CTSS: variants seen among roughly 807,000 people sequenced by gnomAD.
The protein encoded by CTSS is cathepsin S.
CTSS carries 15 observed loss-of-function variants against 39.9 expected under a neutral mutation model. The ratio of observed to expected loss-of-function variants is 0.38; its 90% confidence interval spans 0.25 to 0.58. CTSS has a LOEUF of 0.58. Ranked by LOEUF, CTSS falls within the 20% of genes least tolerant of loss-of-function variation. The pLI, the probability that CTSS is intolerant of heterozygous loss-of-function variation, is 0.70. For synonymous variants in CTSS, 126 were observed against 138.2 expected, an observed-to-expected ratio of 0.91 and a Z score of 0.62; for missense variants, 250 against 398.2, an observed-to-expected ratio of 0.63 and a Z score of 3.17.
chr1:150,755,036 T>A lies in CTSS; in HGVS notation c.364A>T (p.Arg122Ter), dbSNP rs1349071743. 6.2e-7 allele frequency: 1 copy of A among 1,614,126 alleles called. No individual in the cohort carries two copies. Among genetic ancestry groups the A allele is most frequent in the Non-Finnish European group, 8.5e-7 (1 of 1,180,000 alleles). The change falls in exon 4 of 8, where the codon AGA becomes TGA. Residue 122 changes from arginine (R) to a stop codon, truncating the protein, a stop_gained. Coordinates refer to ENST00000368985, the MANE Select transcript of CTSS (RefSeq NM_004079.5). LOFTEE classifies it high-confidence loss of function. The part of the protein sequence containing the change: ...NRILPDSVDW[R>*]EKGCVTEVKY... The stretch of plus-strand genomic sequence containing the variant: ...ACTTCAGTAACACACCCTTTCTCTC[T>A]CCAGTCCACAGAATCAGGCAATATC...
chr1:150,760,963 G>A (rs922220897), intron 2 of CTSS, among the ~76,000 whole-genome samples: 5 of 151,222 alleles, frequency 3.3e-5, no homozygotes, highest in Non-Finnish European at 7.4e-5. Context: ...GGTTGATCAT[G>A]AGGTCAGAAG....
intron 6 of CTSS, among the ~76,000 whole-genome samples, chr1:150,748,963 T>C (rs1440492134): frequency 6.6e-6 from 1 of 152,196 alleles, no homozygotes; most frequent in Non-Finnish European, 1.5e-5. Flanking sequence ...GAGGGTGAGC[T>C]ACAAACCACA....
chr1:150,765,101 C>CAA (rs34212473), intron 1 of CTSS, among the ~76,000 whole-genome samples: 7 of 132,328 alleles, frequency 5.3e-5, no homozygotes, highest in African/African-American at 1.4e-4. Flanking sequence ...CTCTCTCTCT[C>CAA]AAAAAAAAAA....
Position 150,751,858 on chromosome 1 carries a change from A to G in CTSS, c.550T>C (p.Phe184Leu). The G allele has an allele frequency of 6.2e-7, 1 of 1,614,192 alleles. No homozygotes were observed. The highest frequency in any genetic ancestry group is 8.5e-7 in the Non-Finnish European group (1 of 1,180,034). The part of the protein sequence containing the change: ...KYGNKGCNGG[F>L]MTTAFQYIID... ...ATGTACTGGAAAGCCGTTGTCATGA[A>G]GCCACCATTGCAGCCTTTGTTTCCA... is the stretch of plus-strand genomic sequence containing the variant. The change falls in exon 5 of 8, where the codon TTC (phenylalanine) becomes CTC (leucine). Residue 184 changes from phenylalanine (F) to leucine (L), a missense_variant. Physicochemically the swap from Phe to Leu is conservative, Grantham distance 22 (BLOSUM62 0). Coordinates refer to ENST00000368985, the MANE Select transcript of CTSS (RefSeq NM_004079.5).
rs756024500 is a variant in CTSS, at chr1:150,755,158, G to C, written c.250-8C>G. On this transcript the variant is annotated splice_region_variant and splice_polypyrimidine_tract_variant and intron_variant, in intron 3 of 7. Transcript: ENST00000368985. ...CATCACTTCTTCACTGGTCTACAAA[G>C]CAAATATACAGTCAGGCATTGTTTA... 5.6e-6 allele frequency: 9 copies of C among 1,613,420 alleles called. No individual in the cohort carries two copies. The highest frequency in any genetic ancestry group is 3.3e-5 in the Admixed American group (2 of 59,950).
chr1:150,744,401 ATATAT>A lies in CTSS; in HGVS notation c.896+3371_896+3375del, dbSNP rs375204811. On this transcript the variant is annotated intron_variant, in intron 7 of 7. Transcript: ENST00000368985. ...GTATATTATGTATACATAATATATT[ATATAT>A]TATATGTATATTATGTATACATAAT... 1.9e-4 allele frequency among the ~76,000 whole-genome samples: 2 copies of A among 10,334 alleles called. 1 individual carries two copies. The highest frequency in any genetic ancestry group is 0.037 in the South Asian group (2 of 54). 6.8% of individuals were successfully genotyped at this position (10,334 alleles called of 152,430 possible).
In CTSS at chr1:150,755,166, A is replaced by C. The variant is rs1557813340; in HGVS notation, c.250-16T>G. 6.2e-7 allele frequency: 1 copy of C among 1,613,232 alleles called. No homozygotes were observed. On this transcript the variant is annotated splice_polypyrimidine_tract_variant and intron_variant, in intron 3 of 7. Transcript: ENST00000368985. ...CTTCACTGGTCTACAAAGCAAATAT[A>C]CAGTCAGGCATTGTTTAATGACTGG...
Position 150,751,901 on chromosome 1 carries a change from A to G in CTSS, c.507T>C (p.Asp169=), listed in dbSNP as rs756925905. Reference sequence around the variant, plus strand: ...TGTTTCCATATTTTTCAGTTGAGCAATCCACCAGGTTCTGGGCACTGAGAG... The same window carrying G: ...TGTTTCCATATTTTTCAGTTGAGCAGTCCACCAGGTTCTGGGCACTGAGAG... ...LVSLSAQNLV[D]CSTEKYGNKG... is the part of the protein sequence containing the mutation. The change falls in exon 5 of 8, where the codon GAT becomes GAC. Residue 169 remains aspartate (D), a synonymous_variant. Transcript: ENST00000368985. The G allele has an allele frequency of 2.5e-6, 4 of 1,614,166 alleles. No homozygotes were observed. Among genetic ancestry groups the G allele is most frequent in the East Asian group, 2.2e-5 (1 of 44,884 alleles).
At chr1:150,765,089 T>C (rs371988753) in intron 1 of CTSS, among the ~76,000 whole-genome samples, 1 of 148,572 alleles carries the variant, frequency 6.7e-6, no homozygotes, top group African/African-American at 2.5e-5. Flanking sequence ...GGAAATCTCT[T>C]TCTCTCTCTC....
intron 5 of CTSS, among the ~76,000 whole-genome samples, chr1:150,750,638 A>T (rs758878880): frequency 6.6e-6 from 1 of 152,196 alleles, no homozygotes; most frequent in East Asian, 1.9e-4. Flanking sequence ...GTATTTATTT[A>T]TATTATTTAT....
chr1:150,735,755 ATT>A (rs146960325), intron 7 of CTSS, among the ~76,000 whole-genome samples: 81 of 126,494 alleles, frequency 6.4e-4, no homozygotes, highest in South Asian at 1.3e-3. Flanking sequence ...TGCTTGGCCA[ATT>A]TTTTTTTTTT....
chr1:150,743,486 G>A (rs1440959088), intron 7 of CTSS, among the ~76,000 whole-genome samples: 2 of 99,584 alleles, frequency 2.0e-5, no homozygotes, highest in African/African-American at 6.9e-5. Context: ...AACACTTTGG[G>A]AGGCTGGGAG....
chr1:150,746,766 C>A (rs1359622180), intron 7 of CTSS, among the ~76,000 whole-genome samples: 1 of 152,162 alleles, frequency 6.6e-6, no homozygotes, highest in East Asian at 1.9e-4. Flanking sequence ...TGTATGGGAA[C>A]TACAACTGTG....
chr1:150,733,000 G>T lies in CTSS; in HGVS notation c.*46C>A. 7.4e-7 allele frequency: 1 copy of T among 1,354,474 alleles called. No homozygotes were observed. Among genetic ancestry groups the T allele is most frequent in the Non-Finnish European group, 1.0e-6 (1 of 952,542 alleles). 83.9% of individuals were successfully genotyped at this position (1,354,474 alleles called of 1,614,324 possible). A position where few individuals can be genotyped will look rare whatever the true frequency, so the allele number is the denominator to read the frequency against. On this transcript the variant is annotated 3_prime_UTR_variant, in exon 8 of 8. Coordinates refer to ENST00000368985, the MANE Select transcript of CTSS (RefSeq NM_004079.5). ...TACAGCAGGAAAAATTAAGTTAAGA[G>T]AAAGTGCTTCATATTTCTTGATTTG...
chr1:150,763,104 TA>T (rs202184518), intron 2 of CTSS, among the ~76,000 whole-genome samples: 53,326 of 145,954 alleles, frequency 0.37, 9,630 homozygotes, highest in South Asian at 0.54. Flanking sequence ...TATTTAGCCT[TA>T]AAAAAAAAAA....
Position 150,744,329 on chromosome 1 carries a change from ATATAT to A in CTSS, c.896+3443_896+3447del, listed in dbSNP as rs1198837735. 1.1e-3 allele frequency among the ~76,000 whole-genome samples: 34 copies of A among 30,152 alleles called. 3 individuals are homozygous for A. Among genetic ancestry groups the A allele is most frequent in the South Asian group, 5.8e-3 (2 of 344 alleles). The allele number at this position is 30,152 out of a possible 152,430, so 19.8% of individuals were successfully genotyped here. A position where few individuals can be genotyped will look rare whatever the true frequency, so the allele number is the denominator to read the frequency against. ...GTATATTATGTATACATAATATATT[ATATAT>A]TATATGTATATTATGTATACATAAT... On this transcript the variant is annotated intron_variant, in intron 7 of 7. Transcript: ENST00000368985.
intron 4 of CTSS, among the ~76,000 whole-genome samples, chr1:150,753,880 G>A (rs768428897): frequency 2.0e-5 from 3 of 151,984 alleles, no homozygotes; most frequent in Admixed American, 6.6e-5. Flanking sequence ...GGCAGAGGTT[G>A]CAGTGAGCCC....
chr1:150,743,148 A>G (rs1228464797), intron 7 of CTSS, among the ~76,000 whole-genome samples: 1 of 152,128 alleles, frequency 6.6e-6, no homozygotes, highest in Non-Finnish European at 1.5e-5. Context: ...AGGCAGGTGG[A>G]TAAAATAACG....
intron 3 of CTSS, among the ~76,000 whole-genome samples, chr1:150,756,560 A>G (rs971235746): frequency 5.3e-5 from 8 of 152,166 alleles, no homozygotes; most frequent in Non-Finnish European, 1.2e-4. Context: ...GGTGGCTACA[A>G]CATCACTAGC....
Sources: allele counts gnomAD v4.1 joint callset (sites outside exome capture counted in the v4.1 genomes callset), GRCh38; gene constraint gnomAD v4.1.1; transcripts MANE v1.5; gene names NCBI Gene and HGNC (gene_info 2026-07-23, HGNC 2026-07-21).